CDC42BPA: variants seen among roughly 807,000 people sequenced by gnomAD.
CDC42BPA encodes the protein serine/threonine-protein kinase MRCK alpha.
A neutral mutation model predicts 223.5 loss-of-function variants in CDC42BPA; 80 were observed. The ratio of observed to expected loss-of-function variants is 0.36; its 90% CI spans 0.30 to 0.43. CDC42BPA has a LOEUF of 0.43. Among genes scored for constraint, CDC42BPA ranks in the 20% least tolerant of loss-of-function variants. The probability of loss-of-function intolerance (pLI) is 1.00; values close to 1 mark genes in which losing one functional copy is unlikely to be tolerated. For missense variants in CDC42BPA, 1,743 were observed against 2,099.9 expected (o/e 0.83, Z 3.32); for synonymous variants, 694 against 718.6 (o/e 0.97, Z 0.55).
intron 2 of CDC42BPA, among the ~76,000 whole-genome samples, chr1:227,253,630 ACATACATACATACATACATT>A (rs1324872083): frequency 5.3e-5 from 8 of 150,954 alleles, no homozygotes; most frequent in African/African-American, 7.4e-5. Flanking sequence ...ATACATACAT[ACATACATACATACATACATT>A]CATACATAAA....
intron 23 of CDC42BPA, among the ~76,000 whole-genome samples, chr1:227,047,405 TCA>T (rs1427968224): frequency 2.6e-5 from 4 of 152,180 alleles, no homozygotes; most frequent in Non-Finnish European, 5.9e-5. Context: ...CCTCTCTCTC[TCA>T]TTTTGTGGTT....
At chr1:227,118,245 C>T (rs1688080298) in intron 12 of CDC42BPA, among the ~76,000 whole-genome samples, 1 of 152,072 alleles carries the variant, frequency 6.6e-6, no homozygotes, top group African/African-American at 2.4e-5. Context: ...GGCAAAGGAC[C>T]TCAGTGGACA....
intron 1 of CDC42BPA, among the ~76,000 whole-genome samples, chr1:227,314,396 T>C (rs1460677427): frequency 6.6e-6 from 1 of 152,082 alleles, no homozygotes; most frequent in Non-Finnish European, 1.5e-5. Flanking sequence ...TCTTTCTCTT[T>C]CCACTTATTT....
chr1:227,130,568 G>C (rs1457367023), intron 10 of CDC42BPA, among the ~76,000 whole-genome samples: 1 of 152,072 alleles, frequency 6.6e-6, no homozygotes, highest in Non-Finnish European at 1.5e-5. Context: ...CCCAATGCAG[G>C]GGAGGTGTAG....
In CDC42BPA at chr1:226,992,970, C is replaced by G. The variant is rs1660932789; in HGVS notation, c.*1298G>C. The G allele has an allele frequency of 1.3e-5, 2 of 152,254 alleles. No homozygotes were observed. Among genetic ancestry groups the G allele is most frequent in the African/African-American group, 4.8e-5 (2 of 41,456 alleles). 9.4% of individuals were successfully genotyped at this position (152,254 alleles called of 1,614,324 possible). ...CTGGGGTTGTCACATCCATTTTCCA[C>G]TGGCTATGGGGAATAATATTTGGTT... On this transcript the variant is annotated 3_prime_UTR_variant, in exon 37 of 37. Coordinates refer to ENST00000366766, the MANE Select transcript of CDC42BPA (RefSeq NM_001394014.1).
In CDC42BPA at chr1:227,048,003, T is replaced by C. The variant is rs150700769; in HGVS notation, c.3017A>G (p.Asp1006Gly). The change falls in exon 23 of 37, where the codon GAC becomes GGC. Residue 1006 changes from aspartate (D) to glycine (G), a missense_variant. Asp to Gly is a moderately conservative substitution (Grantham distance 94). This residue lies in a region of CDC42BPA where 678 missense variants were observed against 777.5 expected (regional missense o/e 0.87). Transcript: ENST00000366766. ...SSEAEPVKTV[D>G]STPLSVHTPT... The stretch of plus-strand genomic sequence containing the variant: ...TGTGTGAACTGAAAGTGGAGTGGAG[T>C]CTACAGTCTGAACCCAGGAGCAAAA... The C allele has an allele frequency of 1.6e-5, 26 of 1,605,056 alleles. No homozygotes were observed. In the African/African-American group the frequency reaches 3.2e-4, roughly 20 times the overall value.
Position 227,005,023 on chromosome 1 carries a change from G to C in CDC42BPA, c.4946C>G (p.Ser1649Cys), listed in dbSNP as rs1183948492. 1 of 1,614,038 alleles carries C rather than the reference G, an allele frequency of 6.2e-7. No individual in the cohort carries two copies. Among genetic ancestry groups the C allele is most frequent in the Non-Finnish European group, 8.5e-7 (1 of 1,179,882 alleles). ...ITKSRPEPGR[S>C]MSASSGLSAR... ...TGACAAGCCACTGCTAGCACTCATG[G>C]AGCGGCCTGGCTCAGGGCGGGATTT... The change falls in exon 35 of 37, where the codon TCC (serine) becomes TGC (cysteine). Residue 1649 changes from serine to cysteine, a missense_variant. Transcript: ENST00000366766.
intron 3 of CDC42BPA, among the ~76,000 whole-genome samples, chr1:227,206,427 A>T (rs1033417737): frequency 3.3e-5 from 5 of 152,230 alleles, no homozygotes; most frequent in Non-Finnish European, 7.3e-5. Flanking sequence ...AGTAACCCGT[A>T]TATCATTAAT....
intron 11 of CDC42BPA, among the ~76,000 whole-genome samples, chr1:227,123,779 A>T (rs1689077696): frequency 6.6e-6 from 1 of 152,128 alleles, no homozygotes; most frequent in South Asian, 2.1e-4. Flanking sequence ...TTTATTTCTA[A>T]TTATAATCAG....
At chr1:227,013,325 A>C (rs954120957) in intron 34 of CDC42BPA, among the ~76,000 whole-genome samples, 1 of 152,102 alleles carries the variant, frequency 6.6e-6, no homozygotes, top group Non-Finnish European at 1.5e-5. Flanking sequence ...TGCTATCTTC[A>C]CTTGTTTTGC....
intron 16 of CDC42BPA, among the ~76,000 whole-genome samples, chr1:227,084,223 G>A (rs72748172): frequency 0.015 from 2,352 of 152,238 alleles, 30 homozygotes; most frequent in Middle Eastern, 0.068. Flanking sequence ...CTTGCTTTAA[G>A]TTTTTAGAAA....
At chr1:227,275,498 A>T (rs907779463) in intron 1 of CDC42BPA, among the ~76,000 whole-genome samples, 37 of 150,126 alleles carry the variant, frequency 2.5e-4, no homozygotes, top group Non-Finnish European at 4.9e-4. Flanking sequence ...ATTACCAAAA[A>T]TTCACAAGAT....
At chr1:227,141,826 G>A (rs1659727773) in intron 9 of CDC42BPA, among the ~76,000 whole-genome samples, 1 of 152,126 alleles carries the variant, frequency 6.6e-6, no homozygotes, top group Admixed American at 6.5e-5. Context: ...AAAATTAGCT[G>A]GGCATGGTGG....
intron 35 of CDC42BPA, among the ~76,000 whole-genome samples, chr1:226,998,879 G>A (rs1197777140): frequency 1.3e-5 from 2 of 151,996 alleles, no homozygotes; most frequent in Non-Finnish European, 2.9e-5. Flanking sequence ...TGGGAGAAAA[G>A]TTTTGCCATC....
At chr1:227,194,110 T>C (rs1396556581) in intron 4 of CDC42BPA, among the ~76,000 whole-genome samples, 176 bp from the exon 5 acceptor site, 1 of 152,172 alleles carries the variant, frequency 6.6e-6, no homozygotes, top group African/African-American at 2.4e-5. Context: ...AACTTCTAAA[T>C]TTCATACAGC....
At chr1:227,171,757 C>T (rs926654312) in intron 5 of CDC42BPA, among the ~76,000 whole-genome samples, 2 of 151,958 alleles carry the variant, frequency 1.3e-5, no homozygotes, top group African/African-American at 2.4e-5. Flanking sequence ...AATGCGGATA[C>T]GACATTAGTT....
intron 32 of CDC42BPA, among the ~76,000 whole-genome samples, chr1:227,020,236 G>A (rs1273984388): frequency 6.6e-6 from 1 of 152,130 alleles, no homozygotes; most frequent in East Asian, 1.9e-4. Flanking sequence ...TTTTTCAAAT[G>A]GTAAATGAGT....
At chr1:227,264,009 A>G (rs189147756) in intron 1 of CDC42BPA, among the ~76,000 whole-genome samples, 8 of 152,314 alleles carry the variant, frequency 5.3e-5, no homozygotes, top group Admixed American at 1.3e-4. Flanking sequence ...CACAGATGCA[A>G]TAACTTCTAT....
intron 32 of CDC42BPA, among the ~76,000 whole-genome samples, chr1:227,020,999 G>C (rs1667266411): frequency 1.3e-5 from 2 of 152,118 alleles, no homozygotes; most frequent in Non-Finnish European, 2.9e-5. Flanking sequence ...GGAGACCAGG[G>C]AACAGCTGCT....
Sources: allele counts gnomAD v4.1 joint callset (sites outside exome capture counted in the v4.1 genomes callset), GRCh38; gene constraint gnomAD v4.1.1; regional missense constraint gnomAD v4.1.1; transcripts MANE v1.5; gene names NCBI Gene and HGNC (gene_info 2026-07-23, HGNC 2026-07-21).